The following DENND5B variants were observed in gnomAD, a reference collection of about 807,000 sequenced individuals.
DENND5B encodes DENN domain containing 5B, also known as DENN domain-containing protein 5B.
A neutral mutation model predicts 140.6 loss-of-function variants in DENND5B; 34 were observed. That is an observed-to-expected ratio of 0.24 (90% CI 0.18 to 0.32). The LOEUF is 0.32. DENND5B is among the 10% of genes least tolerant of loss of function. The pLI, the probability that DENND5B is intolerant of heterozygous loss-of-function variation, is 1.00. For synonymous variants in DENND5B, 551 were observed against 562.1 expected (o/e 0.98, Z 0.28); for missense variants, 1,142 against 1,560.2 (o/e 0.73, Z 4.52).
At chr12:31,397,100 T>C (rs1336909057) in intron 17 of DENND5B, among the ~76,000 whole-genome samples, 1 of 152,198 alleles carries the variant, frequency 6.6e-6, no homozygotes, top group Non-Finnish European at 1.5e-5. Context: ...AAGCCTACAT[T>C]AGTATAAATT....
At chr12:31,442,966 C>T (rs914543022) in intron 6 of DENND5B, 41 bp from the exon 7 acceptor site, 20 of 1,524,942 alleles carry the variant, frequency 1.3e-5, no homozygotes, top group Admixed American at 4.1e-5. Context: ...CATTTCATTG[C>T]TAGCCCTTCA....
intron 17 of DENND5B, among the ~76,000 whole-genome samples, chr12:31,396,686 C>T (rs998062792): frequency 6.6e-6 from 1 of 152,034 alleles, no homozygotes; most frequent in African/African-American, 2.4e-5. Flanking sequence ...GGCATGAGCT[C>T]GGCTCACTGC....
At chr12:31,501,881 G>A (rs991337988) in intron 1 of DENND5B, among the ~76,000 whole-genome samples, 2 of 152,006 alleles carry the variant, frequency 1.3e-5, no homozygotes, top group Admixed American at 6.6e-5. Flanking sequence ...ACCATACTAC[G>A]AGAGGTTAAT....
At chr12:31,547,369 A>G (rs1490529784) in intron 1 of DENND5B, among the ~76,000 whole-genome samples, 1 of 152,158 alleles carries the variant, frequency 6.6e-6, no homozygotes, top group African/African-American at 2.4e-5. Flanking sequence ...CTTAGACATG[A>G]TTAGATGAAA....
chr12:31,575,398 CG>C (rs1281710576), intron 1 of DENND5B, among the ~76,000 whole-genome samples: 1 of 152,130 alleles, frequency 6.6e-6, no homozygotes, highest in Non-Finnish European at 1.5e-5. Flanking sequence ...CAGGGAATTA[CG>C]TAAGAGTAGA....
intron 1 of DENND5B, among the ~76,000 whole-genome samples, chr12:31,576,135 T>C (rs1950007179): frequency 1.9e-5 from 2 of 102,794 alleles, no homozygotes; most frequent in Admixed American, 1.2e-4. Flanking sequence ...AGCAAGGCTC[T>C]GTCTCCAAAA....
intron 1 of DENND5B, among the ~76,000 whole-genome samples, chr12:31,571,617 A>AT (rs5797419): frequency 1.0e-4 from 15 of 148,318 alleles, no homozygotes; most frequent in South Asian, 2.1e-4. Flanking sequence ...AAAAGCCACA[A>AT]TTTTTTTTTT....
At chr12:31,443,832 T>TA (rs1401488793) in intron 6 of DENND5B, 2 of 152,130 alleles carry the variant, frequency 1.3e-5, no homozygotes, top group East Asian at 3.8e-4. Flanking sequence ...AAGAAGGTAA[T>TA]ACAGCAAAAA....
chr12:31,443,499 G>A (rs780347404), intron 6 of DENND5B, among the ~76,000 whole-genome samples: 8 of 152,130 alleles, frequency 5.3e-5, no homozygotes, highest in East Asian at 1.9e-4. Flanking sequence ...AATCAGGGCC[G>A]CGGGGATGAA....
At chr12:31,436,182 C>G (rs1352556338) in intron 7 of DENND5B, among the ~76,000 whole-genome samples, 1 of 150,642 alleles carries the variant, frequency 6.6e-6, no homozygotes, top group East Asian at 2.0e-4. Context: ...TCACTGCAAC[C>G]TCCGTCTCCC....
chr12:31,486,791 A>G (rs1048786513), intron 2 of DENND5B, among the ~76,000 whole-genome samples: 2 of 152,224 alleles, frequency 1.3e-5, no homozygotes, highest in African/African-American at 4.8e-5. Flanking sequence ...TTACCTTTCC[A>G]TAAAAAATAG....
At chr12:31,429,066 G>A (rs1165756964) in intron 8 of DENND5B, among the ~76,000 whole-genome samples, 1 of 151,558 alleles carries the variant, frequency 6.6e-6, no homozygotes, top group Admixed American at 6.6e-5. Flanking sequence ...AAGAGACGGG[G>A]TTTCATCATG....
chr12:31,561,557 A>G (rs967097267), intron 1 of DENND5B, among the ~76,000 whole-genome samples: 2 of 152,228 alleles, frequency 1.3e-5, no homozygotes, highest in African/African-American at 4.8e-5. Flanking sequence ...GCTTACGTTT[A>G]AAATATATAT....
intron 1 of DENND5B, among the ~76,000 whole-genome samples, chr12:31,505,576 T>C (rs142281977): frequency 1.1e-3 from 162 of 152,140 alleles, no homozygotes; most frequent in African/African-American, 3.4e-3. Flanking sequence ...CCACCTTTCA[T>C]AGAAAAAGCC....
At position 31,479,910 on chromosome 12, in the gene DENND5B, T is replaced by C. The variant is rs998170203; in HGVS notation, c.583A>G (p.Ile195Val). 20 of 1,613,858 alleles carry C rather than the reference T, an allele frequency of 1.2e-5. No individual in the cohort carries two copies. Among genetic ancestry groups the C allele is most frequent in the Non-Finnish European group, 1.7e-5 (20 of 1,179,842 alleles). Residue 195 changes from isoleucine (I) to valine (V), a missense_variant, in exon 3 of 21, where the codon ATC (isoleucine) becomes GTC (valine). This residue lies in a region of DENND5B where 708 missense variants were observed against 905.5 expected (regional missense o/e 0.78). Coordinates refer to ENST00000389082, the MANE Select transcript of DENND5B (RefSeq NM_144973.4). ...GCCTGCATGAATGGTAACGGTGTGA[T>C]CAAGCATATACTTTTTGAAACATAC... is the stretch of plus-strand genomic sequence containing the variant. ...TLYVSKSICL[I>V]TPLPFMQACK...
chr12:31,561,892 T>C (rs188186251), intron 1 of DENND5B, among the ~76,000 whole-genome samples: 326 of 152,268 alleles, frequency 2.1e-3, no homozygotes, highest in Non-Finnish European at 2.4e-3. Context: ...TCTGGAACTT[T>C]CTCCGTAAGT....
rs569580638 is a variant in DENND5B at position 31,482,838 on chromosome 12, T to C, written c.238-2583A>G. On this transcript the variant is annotated intron_variant, in intron 2 of 20. Coordinates refer to ENST00000389082, the MANE Select transcript of DENND5B (RefSeq NM_144973.4). The stretch of plus-strand genomic sequence containing the variant: ...ATTTCCCTTATAAGAGCCAAAGCAA[T>C]CCTTAAAAAATATGTTAGATCTTGT... Among the ~76,000 whole-genome samples, 10 of 152,268 alleles carry C rather than the reference T, an allele frequency of 6.6e-5. 1 individual carries two copies. In the South Asian group the frequency reaches 1.2e-3, roughly 19 times the overall value.
chr12:31,538,093 A>C (rs1948564124), intron 1 of DENND5B, among the ~76,000 whole-genome samples: 2 of 152,194 alleles, frequency 1.3e-5, no homozygotes, highest in Admixed American at 1.3e-4. Flanking sequence ...CGTTGGACAG[A>C]TCTTCCAGAG....
intron 1 of DENND5B, among the ~76,000 whole-genome samples, chr12:31,563,877 G>A (rs1300652744): frequency 2.6e-5 from 4 of 152,210 alleles, no homozygotes; most frequent in Admixed American, 1.3e-4. Context: ...AGCACTTTGG[G>A]AGGCTGAGGT....
Sources: allele counts gnomAD v4.1 joint callset (sites outside exome capture counted in the v4.1 genomes callset), GRCh38; gene constraint gnomAD v4.1.1; regional missense constraint gnomAD v4.1.1; transcripts MANE v1.5; gene names NCBI Gene and HGNC (gene_info 2026-07-23, HGNC 2026-07-21).